MOV10L1: variants seen among roughly 807,000 people sequenced by gnomAD.
MOV10L1 encodes the protein Mov10 like RNA helicase 1, also known as RNA helicase Mov10l1.
A neutral mutation model predicts 143.8 loss-of-function variants in MOV10L1; 110 were observed. The ratio of observed to expected loss-of-function variants is 0.76; its 90% CI spans 0.66 to 0.90. MOV10L1 has a LOEUF of 0.90. Ranked by LOEUF, MOV10L1 falls within the 40% of genes least tolerant of loss-of-function variation. The probability of loss-of-function intolerance (pLI) is 0.00; values close to 1 mark genes in which losing one functional copy is unlikely to be tolerated. For missense variants in MOV10L1, 1,406 were observed against 1,526.8 expected (o/e 0.92, Z 1.32); for synonymous variants, 593 against 581.1 (o/e 1.02, Z -0.29).
intron 18 of MOV10L1, among the ~76,000 whole-genome samples, chr22:50,144,823 T>A (rs138265): frequency 6.6e-6 from 1 of 151,128 alleles, no homozygotes; most frequent in Non-Finnish European, 1.5e-5. Context: ...CCTCATGATC[T>A]GCCCGCCTCG....
intron 20 of MOV10L1, 28 bp from the exon 21 acceptor site, chr22:50,150,707 T>C: frequency 6.2e-7 from 1 of 1,608,600 alleles, no homozygotes; most frequent in Non-Finnish European, 8.5e-7. Flanking sequence ...CCTCCCTGCA[T>C]GAGCTGAGAC....
chr22:50,157,356 C>G (rs913746607), intron 22 of MOV10L1, among the ~76,000 whole-genome samples: 1 of 152,180 alleles, frequency 6.6e-6, no homozygotes, highest in Non-Finnish European at 1.5e-5. Flanking sequence ...TCCAGCATAT[C>G]CCTTTTAGTT....
intron 20 of MOV10L1, 75 bp from the exon 21 acceptor site, chr22:50,150,635 GCATGGGGCCATCCTGCGCACAGCCC>G: frequency 7.4e-7 from 1 of 1,348,376 alleles, no homozygotes; most frequent in Non-Finnish European, 1.0e-6. Context: ...GCAAGAGTGA[GCATGGGGCCATCCTGCGCACAGCCC>G]CATTCCCACC....
In MOV10L1 at chr22:50,160,810, C is replaced by T; in HGVS notation, c.3447C>T (p.Pro1149=). The change falls in exon 25 of 27, where the codon CCC becomes CCT. Residue 1149 remains proline (P), a synonymous_variant. Coordinates refer to ENST00000262794, the MANE Select transcript of MOV10L1 (RefSeq NM_018995.3). ...PKALLIVLGN[P]HVLVRDPCFG... ...CTTTGCTGATAGTGCTGGGAAACCC[C>T]CATGTTCTCGTTCGAGTGAGTTTTC... 6.2e-7 allele frequency: 1 copy of T among 1,614,012 alleles called. No individual in the cohort carries two copies. The highest frequency in any genetic ancestry group is 1.1e-5 in the South Asian group (1 of 91,054).
Position 50,090,053 on chromosome 22 carries a change from A to G in MOV10L1, c.-36A>G, listed in dbSNP as rs1217940821. 1.1e-5 allele frequency: 9 copies of G among 827,114 alleles called. No homozygotes were observed. The highest frequency in any genetic ancestry group is 1.4e-5 in the Non-Finnish European group (9 of 647,882). 51.2% of individuals were successfully genotyped at this position (827,114 alleles called of 1,614,324 possible). ...GGCGCGGGCGCGTGCGGGCGGCGGC[A>G]GCGGCGGTGACGGCAGCCTAGGCCG... On this transcript the variant is annotated 5_prime_UTR_variant, in exon 1 of 27. Transcript: ENST00000262794.
chr22:50,139,708 C>T (rs1180281060), intron 15 of MOV10L1, among the ~76,000 whole-genome samples: 3 of 152,320 alleles, frequency 2.0e-5, no homozygotes, highest in Admixed American at 1.3e-4. Context: ...ATGGATCAAA[C>T]ACTTGAACAC....
rs78683111 is a variant in MOV10L1 at position 50,125,286 on chromosome 22, G to A, written c.1570-106G>A. The A allele has an allele frequency of 2.4e-4, 278 of 1,138,082 alleles. 1 individual carries two copies. In the East Asian group the frequency reaches 5.9e-3, roughly 24 times the overall value. 70.5% of individuals were successfully genotyped at this position (1,138,082 alleles called of 1,614,324 possible). On this transcript the variant is annotated intron_variant, in intron 10 of 26. Transcript: ENST00000262794. ...CGGCGAGGATCGCCCCACCTGGGGG[G>A]CCATCTGCTGAACTGGAGCTGTTGG...
intron 19 of MOV10L1, among the ~76,000 whole-genome samples, chr22:50,146,678 C>T (rs1340695002): frequency 2.0e-5 from 3 of 151,710 alleles, no homozygotes; most frequent in African/African-American, 4.8e-5. Context: ...GACAGGTCAC[C>T]CTGGACAGTG....
At position 50,120,611 on chromosome 22, in the gene MOV10L1, G is replaced by A; in HGVS notation, c.1564G>A (p.Ala522Thr). 2 of 1,604,064 alleles carry A rather than the reference G, an allele frequency of 1.2e-6. No homozygotes were observed. The highest frequency in any genetic ancestry group is 1.3e-5 in the African/African-American group (1 of 74,836). Residue 522 changes from alanine to threonine, a missense_variant, in exon 10 of 27, where the codon GCA (alanine) becomes ACA (threonine). Transcript: ENST00000262794. ...CATCCTGACTTTCCAGCCATTACTT[G>A]CAGAGGTAGGAAGTGTCTCATGGCC... ...IDILTFQPLL[A>T]ELLNMSNYKE...
chr22:50,115,044 T>G (rs2062133171), intron 7 of MOV10L1, 70 bp from the exon 8 acceptor site: 1 of 1,478,358 alleles, frequency 6.8e-7, no homozygotes, highest in Non-Finnish European at 9.1e-7. Flanking sequence ...TCATTTCCAC[T>G]AAGCATGCCA....
At chr22:50,098,614 G>A (rs770471903) in intron 2 of MOV10L1, among the ~76,000 whole-genome samples, 1 of 152,044 alleles carries the variant, frequency 6.6e-6, no homozygotes, top group Non-Finnish European at 1.5e-5. Context: ...TCATTTATTA[G>A]CTCTAACCAT....
At chr22:50,127,140 C>T (rs2062530740) in intron 12 of MOV10L1, among the ~76,000 whole-genome samples, 1 of 152,146 alleles carries the variant, frequency 6.6e-6, no homozygotes, top group African/African-American at 2.4e-5. Context: ...ACATGAGGAG[C>T]CCAAGATGGC....
Position 50,150,738 on chromosome 22 carries a change from G to T in MOV10L1, c.2731G>T (p.Val911Leu), listed in dbSNP as rs760908056. 9 of 1,613,604 alleles carry T rather than the reference G, an allele frequency of 5.6e-6. No individual in the cohort carries two copies. Among genetic ancestry groups the T allele is most frequent in the Non-Finnish European group, 7.6e-6 (9 of 1,179,894 alleles). Residue 911 changes from valine to leucine, a missense_variant, in exon 21 of 27, where the codon GTG (valine) becomes TTG (leucine). By Grantham distance (32) the Val-to-Leu change is conservative. Transcript: ENST00000262794. ...GAGACGGGCCCTCTGTGTGCAGATC[G>T]TGCTGGCAGGAGACCCCATGCAGCT... The part of the protein sequence containing the change: ...GLMSDISGQI[V>L]LAGDPMQLGP...
chr22:50,115,173 A>G lies in MOV10L1; in HGVS notation c.1186A>G (p.Met396Val). 1 of 1,570,362 alleles carries G rather than the reference A, an allele frequency of 6.4e-7. No homozygotes were observed. Among genetic ancestry groups the G allele is most frequent in the Non-Finnish European group, 8.6e-7 (1 of 1,165,424 alleles). Residue 396 changes from methionine to valine, a missense_variant, in exon 8 of 27, where the codon ATG becomes GTG. Physicochemically the swap from Met to Val is conservative, Grantham distance 21. Around this residue, in one of 3 missense-constraint regions of MOV10L1, gnomAD observed 1,233 missense variants for 1,351.4 expected, o/e 0.91. Transcript: ENST00000262794. ...AGACAACATTCTATCAAGGAAGCAG[A>G]TGACAGAGCCTGAGCCTGGGGGGCT... ...EKDNILSRKQ[M>V]TEPEPGGLVP...
In MOV10L1 at chr22:50,133,992, T is replaced by A. The variant is rs1265464752; in HGVS notation, c.1911-15T>A. 6.2e-7 allele frequency: 1 copy of A among 1,607,246 alleles called. No homozygotes were observed. The highest frequency in any genetic ancestry group is 1.3e-5 in the African/African-American group (1 of 74,752). ...ATGTAAGGTTAGTTATTTTATGTGG[T>A]TTTCTTTCCTGCAGGACCACAAGCA... is the stretch of plus-strand genomic sequence containing the variant. On this transcript the variant is annotated splice_polypyrimidine_tract_variant and intron_variant, in intron 13 of 26. Transcript: ENST00000262794.
In MOV10L1 at chr22:50,158,387, GT is replaced by G; in HGVS notation, c.3216+183del. 1 of 666,148 alleles carries G rather than the reference GT, an allele frequency of 1.5e-6. No homozygotes were observed. Among genetic ancestry groups the G allele is most frequent in the Non-Finnish European group, 2.4e-6 (1 of 412,846 alleles). The allele number at this position is 666,148 out of a possible 1,614,324, so 41.3% of individuals were successfully genotyped here. A position where few individuals can be genotyped will look rare whatever the true frequency, so the allele number is the denominator to read the frequency against. On this transcript the variant is annotated intron_variant, in intron 23 of 26. Transcript: ENST00000262794. The surrounding 1 kb of genome is among the most constrained non-coding windows in gnomAD (Gnocchi z 5.0). ...TCACCCAACTGCCATCCATGGGCCA[GT>G]TCCGGGCAGCTGCCAGCTTTTCTAC...
At chr22:50,090,455 C>G (rs2062399766) in intron 1 of MOV10L1, 2 of 1,605,932 alleles carry the variant, frequency 1.2e-6, no homozygotes, top group Admixed American at 1.7e-5. Flanking sequence ...TTACGCCGAG[C>G]AGCTGCCAAG....
Position 50,156,049 on chromosome 22 carries a change from CTCAT to C in MOV10L1, c.3067-1983_3067-1980del, listed in dbSNP as rs536661217. ...TCTGGGCGACAGAGTGAAACCCTGT[CTCAT>C]TCATTCATTCATTCATTCATTCATA... On this transcript the variant is annotated intron_variant, in intron 22 of 26. Transcript: ENST00000262794. Among the ~76,000 whole-genome samples, 871 of 151,982 alleles carry C rather than the reference CTCAT, an allele frequency of 5.7e-3. 4 individuals are homozygous for C. The highest frequency in any genetic ancestry group is 0.01 in the Middle Eastern group (3 of 294).
chr22:50,151,053 A>C (rs2063287691), intron 21 of MOV10L1, among the ~76,000 whole-genome samples, 154 bp downstream of exon 21: 1 of 152,230 alleles, frequency 6.6e-6, no homozygotes, highest in African/African-American at 2.4e-5. Flanking sequence ...CCGTCAGCAG[A>C]AACTGCAGCC....
Sources: gnomAD v4.1 joint callset for allele counts (sites outside exome capture counted in the v4.1 genomes callset) on GRCh38, gnomAD v4.1.1 for gene constraint, gnomAD v4.1.1 regional missense constraint, Gnocchi (gnomAD v3.1) non-coding constraint, MANE v1.5 for transcripts, NCBI Gene and HGNC (gene_info 2026-07-23, HGNC 2026-07-21) for gene names.